The following MECOM variants were observed in gnomAD, a reference collection of about 807,000 sequenced individuals.
MECOM encodes MDS1 and EVI1 complex locus, also known as histone-lysine N-methyltransferase MECOM.
A neutral mutation model predicts 116.3 loss-of-function variants in MECOM; 13 were observed. That is an observed-to-expected ratio of 0.11 (90% CI 0.07 to 0.18). MECOM has a LOEUF of 0.18. MECOM is among the 10% of genes least tolerant of loss of function. The pLI is 1.00. For synonymous variants in MECOM, 528 were observed against 535.2 expected (o/e 0.99, Z 0.19); for missense variants, 1,299 against 1,509.0 (o/e 0.86, Z 2.31).
At chr3:169,490,407 CCT>C (rs950269699) in intron 1 of MECOM, among the ~76,000 whole-genome samples, 3 of 152,050 alleles carry the variant, frequency 2.0e-5, no homozygotes, top group Admixed American at 2.0e-4. Context: ...TAGATACAGC[CCT>C]GTTTGTGATA....
chr3:169,461,214 T>A (rs10936581), intron 1 of MECOM, among the ~76,000 whole-genome samples: 18,680 of 152,132 alleles, frequency 0.12, 1,734 homozygotes, highest in African/African-American at 0.26. Context: ...TTCATCTATT[T>A]TCTAAATTAG....
intron 2 of MECOM, among the ~76,000 whole-genome samples, chr3:169,225,076 T>G (rs1326106901): frequency 6.6e-6 from 1 of 152,188 alleles, no homozygotes; most frequent in African/African-American, 2.4e-5. Context: ...AAAGCAGAGA[T>G]GATATTGATA....
intron 2 of MECOM, among the ~76,000 whole-genome samples, chr3:169,216,653 T>C (rs1751460092): frequency 6.6e-6 from 1 of 151,998 alleles, no homozygotes; most frequent in South Asian, 2.1e-4. Flanking sequence ...ATCTAGTACA[T>C]TAAAATAATA....
intron 12 of MECOM, among the ~76,000 whole-genome samples, chr3:169,097,817 T>TAAAAAAAAAAAAACAAAAAAA (rs1722152647): frequency 1.1e-5 from 1 of 87,194 alleles, no homozygotes; most frequent in Non-Finnish European, 2.2e-5. Flanking sequence ...ACTGTCTATA[T>TAAAAAAAAAAAAACAAAAAAA]AAAAAAAAAA....
intron 2 of MECOM, among the ~76,000 whole-genome samples, chr3:169,180,793 T>TTATATA (rs1415631608): frequency 4.1e-4 from 29 of 71,138 alleles, no homozygotes; most frequent in Middle Eastern, 5.7e-3. Context: ...TGTGTGGAGA[T>TTATATA]GATATATATA....
chr3:169,657,833 T>G (rs1775717156), intron 1 of MECOM, among the ~76,000 whole-genome samples: 1 of 152,240 alleles, frequency 6.6e-6, no homozygotes, highest in Non-Finnish European at 1.5e-5. Flanking sequence ...TGAAGTTTCT[T>G]GTATGGCTTG....
intron 12 of MECOM, among the ~76,000 whole-genome samples, chr3:169,097,565 ACT>A (rs1722021086): frequency 6.6e-6 from 1 of 151,956 alleles, no homozygotes; most frequent in Non-Finnish European, 1.5e-5. Flanking sequence ...TTTAATCCTG[ACT>A]CTATTAGTAG....
At chr3:169,148,702 C>T (rs1657376525) in intron 2 of MECOM, among the ~76,000 whole-genome samples, 1 of 152,116 alleles carries the variant, frequency 6.6e-6, no homozygotes, top group Non-Finnish European at 1.5e-5. Flanking sequence ...AACACAAGTG[C>T]CACCCACTTT....
rs1751421214 is a variant in MECOM, at chr3:169,482,328, C to CTTTTTTTTTTTTTCTT, written c.38-100805_38-100804insAAGAAAAAAAAAAAAA. On this transcript the variant is annotated intron_variant, in intron 1 of 16. Coordinates refer to ENST00000651503, the MANE Select transcript of MECOM (RefSeq NM_004991.4). ...GTTACAGGGGAGCTTAACCCACGTT[C>CTTTTTTTTTTTTTCTT]TTTTTTTTTTTTTTTTTTTTTGAGA... Among the ~76,000 whole-genome samples the CTTTTTTTTTTTTTCTT allele has an allele frequency of 1.2e-4, 13 of 108,368 alleles. No individual in the cohort carries two copies. The East Asian group carries it at 1.4e-3, about 11-fold the overall frequency. The allele number at this position is 108,368 out of a possible 152,430, so 71.1% of individuals were successfully genotyped here. A position where few individuals can be genotyped will look rare whatever the true frequency, so the allele number is the denominator to read the frequency against.
At chr3:169,426,442 C>T (rs189712625) in intron 1 of MECOM, among the ~76,000 whole-genome samples, 1 of 152,278 alleles carries the variant, frequency 6.6e-6, no homozygotes, top group East Asian at 1.9e-4. Context: ...CTCTGATGCT[C>T]AGGCATGTCA....
chr3:169,368,752 C>T (rs1394147780), intron 2 of MECOM, among the ~76,000 whole-genome samples: 2 of 152,082 alleles, frequency 1.3e-5, no homozygotes, highest in African/African-American at 2.4e-5. Flanking sequence ...CCTATAATTG[C>T]CAAATCCTAG....
intron 2 of MECOM, among the ~76,000 whole-genome samples, chr3:169,212,909 A>G (rs1750957633): frequency 6.6e-6 from 1 of 151,176 alleles, no homozygotes. Context: ...TATCATTCAG[A>G]CCACACTCAA....
chr3:169,148,221 C>T (rs1577180322), intron 2 of MECOM, among the ~76,000 whole-genome samples: 1 of 152,148 alleles, frequency 6.6e-6, no homozygotes, highest in East Asian at 1.9e-4. Context: ...TGAGTCTTTG[C>T]CATTTTCTTT....
chr3:169,290,731 G>A (rs1432922335), intron 2 of MECOM, among the ~76,000 whole-genome samples: 2 of 152,100 alleles, frequency 1.3e-5, no homozygotes, highest in Non-Finnish European at 2.9e-5. Context: ...GAATAAAGCT[G>A]TATTTCTAGA....
intron 1 of MECOM, among the ~76,000 whole-genome samples, chr3:169,578,982 CATA>C (rs1433321731): frequency 1.3e-5 from 2 of 152,150 alleles, no homozygotes; most frequent in African/African-American, 4.8e-5. Context: ...ATATTTTTCC[CATA>C]ATGTTTGATA....
chr3:169,395,219 T>C (rs1450822271), intron 1 of MECOM, among the ~76,000 whole-genome samples: 4 of 152,128 alleles, frequency 2.6e-5, no homozygotes, highest in African/African-American at 9.7e-5. Flanking sequence ...GCAGGGAGCA[T>C]GGGTGCCTGT....
chr3:169,317,216 G>A (rs903189929), intron 2 of MECOM, among the ~76,000 whole-genome samples: 3 of 152,132 alleles, frequency 2.0e-5, no homozygotes, highest in African/African-American at 7.2e-5. Flanking sequence ...TTACATTAAA[G>A]TTAAACAAAT....
chr3:169,662,795 G>T (rs1776479382), intron 1 of MECOM, among the ~76,000 whole-genome samples: 1 of 152,036 alleles, frequency 6.6e-6, no homozygotes. Context: ...CGCCGCCACT[G>T]TGGCTCCCTC....
chr3:169,293,860 GC>G (rs1196015883), intron 2 of MECOM, among the ~76,000 whole-genome samples: 2 of 152,150 alleles, frequency 1.3e-5, no homozygotes, highest in Non-Finnish European at 2.9e-5. Context: ...ACAGTGTCTA[GC>G]CCCAGTAACA....
Sources: gnomAD v4.1 joint callset for allele counts (sites outside exome capture counted in the v4.1 genomes callset) on GRCh38, gnomAD v4.1.1 for gene constraint, MANE v1.5 for transcripts, NCBI Gene and HGNC (gene_info 2026-07-23, HGNC 2026-07-21) for gene names.